CEP250: variants seen among roughly 807,000 people sequenced by gnomAD.
CEP250 encodes centrosome-associated protein CEP250.
A neutral mutation model predicts 315.7 loss-of-function variants in CEP250; 242 were observed. The observed-to-expected ratio is 0.77, with a 90% CI of 0.69 to 0.85. The LOEUF (loss-of-function observed/expected upper bound fraction) is 0.85, where lower values mean the gene tolerates loss of function less well. CEP250 is among the 40% of genes least tolerant of loss of function. CEP250 has a pLI of 0.00. For synonymous variants in CEP250, 1,088 were observed against 1,175.0 expected (o/e 0.93, Z 1.51); for missense variants, 2,515 against 2,886.4 (o/e 0.87, Z 2.95).
intron 20 of CEP250, among the ~76,000 whole-genome samples, chr20:35,489,001 C>T (rs557807934): frequency 1.2e-4 from 19 of 152,082 alleles, no homozygotes; most frequent in South Asian, 2.1e-4. Context: ...GCCTGGCCAA[C>T]GTGGTGAAAC....
In CEP250 at chr20:35,502,768, A is replaced by G. The variant is rs2064048837; in HGVS notation, c.4399A>G (p.Lys1467Glu). 6.2e-7 allele frequency: 1 copy of G among 1,614,260 alleles called. No individual in the cohort carries two copies. The highest frequency in any genetic ancestry group is 8.5e-7 in the Non-Finnish European group (1 of 1,180,054). ...ALELLSLDLK[K>E]RNQEVDLQQE... ...GGAATTGCTGTCTCTGGACCTGAAG[A>G]AGAGGAACCAAGAGGTAGATCTGCA... is the stretch of plus-strand genomic sequence containing the variant. The change falls in exon 30 of 35, where the codon AAG becomes GAG. Residue 1467 changes from lysine to glutamate, a missense_variant. By Grantham distance (56) the Lys-to-Glu change is moderately conservative (BLOSUM62 1). Transcript: ENST00000397527.
chr20:35,471,551 G>T (rs2063024830), intron 10 of CEP250, among the ~76,000 whole-genome samples: 1 of 152,190 alleles, frequency 6.6e-6, no homozygotes, highest in African/African-American at 2.4e-5. Flanking sequence ...AGGAACTCTT[G>T]AGTCTTCAAG....
At chr20:35,476,162 C>G (rs571154204) in intron 15 of CEP250, 44 of 308,852 alleles carry the variant, frequency 1.4e-4, no homozygotes, top group African/African-American at 9.3e-4. Context: ...CTCTTCCAAA[C>G]TATATTAATA....
chr20:35,511,471 T>C lies in CEP250; in HGVS notation c.7174T>C (p.Ser2392Pro). 2 of 1,614,064 alleles carry C rather than the reference T, an allele frequency of 1.2e-6. No individual in the cohort carries two copies. Among genetic ancestry groups the C allele is most frequent in the Non-Finnish European group, 1.7e-6 (2 of 1,180,016 alleles). The part of the protein sequence containing the change: ...RELAGLHHSL[S>P]HSLLAVAQAP... ...GCTAGCAGGCCTGCACCACAGCCTC[T>C]CACACTCACTTCTTGCCGTGGCCCA... is the stretch of plus-strand genomic sequence containing the variant. The change falls in exon 35 of 35, where the codon TCA becomes CCA. Residue 2392 changes from serine (S) to proline (P), a missense_variant. Coordinates refer to ENST00000397527, the MANE Select transcript of CEP250 (RefSeq NM_007186.6).
In CEP250 at chr20:35,511,604, C is replaced by T. The variant is rs1183278285; in HGVS notation, c.7307C>T (p.Thr2436Ile). 11 of 1,610,432 alleles carry T rather than the reference C, an allele frequency of 6.8e-6. No individual in the cohort carries two copies. The highest frequency in any genetic ancestry group is 9.3e-6 in the Non-Finnish European group (11 of 1,177,870). The change falls in exon 35 of 35, where the codon ACT becomes ATT. Residue 2436 changes from threonine to isoleucine, a missense_variant. By Grantham distance (89) the Thr-to-Ile change is moderately conservative. Coordinates refer to ENST00000397527, the MANE Select transcript of CEP250 (RefSeq NM_007186.6). ...GTCCTGCTACACCCCAGCCCCAGCA[C>T]TACCCAAGCCGCCTCCAGGTAGCAG... is the stretch of plus-strand genomic sequence containing the variant. ...GPVLLHPSPS[T>I]TQAASR
Position 35,515,086 on chromosome 20 carries a change from G to T in CEP250, c.*3460G>T, listed in dbSNP as rs952913371. On this transcript the variant is annotated 3_prime_UTR_variant, in exon 35 of 35. Transcript: ENST00000397527. ...TATATTCCAAATACGCATGGCCCAG[G>T]ACTGGCAGAGTCGGAGCTCGGGGTC... 3 of 152,318 alleles carry T rather than the reference G, an allele frequency of 2.0e-5. No homozygotes were observed. Among genetic ancestry groups the T allele is most frequent in the African/African-American group, 4.8e-5 (2 of 41,426 alleles). 9.4% of individuals were successfully genotyped at this position (152,318 alleles called of 1,614,324 possible). A position where few individuals can be genotyped will look rare whatever the true frequency, so the allele number is the denominator to read the frequency against.
rs751646493 is a variant in CEP250 at position 35,473,375 on chromosome 20, A to G, written c.1211A>G (p.Asp404Gly). The G allele has an allele frequency of 6.2e-7, 1 of 1,612,202 alleles. No homozygotes were observed. The highest frequency in any genetic ancestry group is 2.2e-5 in the East Asian group (1 of 44,846). ...GTTTCTCTTGCTCTCTCTCCACAGG[A>G]CCTAAGGCAGCAGCTTGCAGGCTGT... is the stretch of plus-strand genomic sequence containing the variant. ...VLTRRRQAVQ[D>G]LRQQLAGCQE... The change falls in exon 13 of 35, where the codon GAC (aspartate) becomes GGC (glycine). Residue 404 changes from aspartate to glycine, a missense_variant and splice_region_variant. Transcript: ENST00000397527.
chr20:35,498,717 G>C lies in CEP250; in HGVS notation c.3777+1G>C. On this transcript the variant is annotated splice_donor_variant, in intron 27 of 34. Coordinates refer to ENST00000397527, the MANE Select transcript of CEP250 (RefSeq NM_007186.6). LOFTEE classifies it high-confidence loss of function. ...CCTGTGGAAGACTCAACAGACCCGGGTATGTTTCTCTGCTCCCCTTTCCCG... is the reference window on the plus strand; with the variant it reads ...CCTGTGGAAGACTCAACAGACCCGGCTATGTTTCTCTGCTCCCCTTTCCCG... The C allele has an allele frequency of 6.4e-7, 1 of 1,567,664 alleles. No individual in the cohort carries two copies. The highest frequency in any genetic ancestry group is 8.6e-7 in the Non-Finnish European group (1 of 1,164,188).
chr20:35,478,372 C>T (rs1224921247), intron 17 of CEP250, among the ~76,000 whole-genome samples: 1 of 152,150 alleles, frequency 6.6e-6, no homozygotes, highest in Non-Finnish European at 1.5e-5. Flanking sequence ...CGAGACCAGC[C>T]TGACCAACAT....
chr20:35,505,607 C>T (rs942155278), intron 30 of CEP250, among the ~76,000 whole-genome samples: 2 of 147,088 alleles, frequency 1.4e-5, no homozygotes, highest in Non-Finnish European at 3.0e-5. Context: ...GAGCCGAGAT[C>T]GCACCATTGC....
chr20:35,486,033 C>CTT (rs568800381), intron 20 of CEP250, among the ~76,000 whole-genome samples: 3,133 of 128,324 alleles, frequency 0.024, 156 homozygotes, highest in African/African-American at 0.086. Flanking sequence ...AGTGGATTTA[C>CTT]TTTTTTTTTT....
rs992669585 is a variant in CEP250, at chr20:35,503,583, G to A, written c.5214G>A (p.Val1738=). 1 of 1,614,094 alleles carries A rather than the reference G, an allele frequency of 6.2e-7. No individual in the cohort carries two copies. Among genetic ancestry groups the A allele is most frequent in the East Asian group, 2.2e-5 (1 of 44,874 alleles). Residue 1738 remains valine (V), a synonymous_variant, in exon 30 of 35, where the codon GTG becomes GTA. Transcript: ENST00000397527. The surrounding 1 kb of genome is among the most constrained non-coding windows in gnomAD (Gnocchi z 4.2). ...TCCTGCGTGATAAGGAGAAGGAGGTGGAATGTCAGCAGGAGCATATCCATG... is the reference window on the plus strand; with the variant it reads ...TCCTGCGTGATAAGGAGAAGGAGGTAGAATGTCAGCAGGAGCATATCCATG... The part of the protein sequence containing the change: ...KLILRDKEKE[V]ECQQEHIHEL...
chr20:35,457,418 C>A (rs1350421299), intron 1 of CEP250, among the ~76,000 whole-genome samples: 1 of 152,036 alleles, frequency 6.6e-6, no homozygotes, highest in Non-Finnish European at 1.5e-5. Context: ...GGCTGGAGTG[C>A]AGTGGCGTGA....
intron 20 of CEP250, among the ~76,000 whole-genome samples, chr20:35,482,934 T>C (rs971040020): frequency 1.3e-5 from 2 of 152,256 alleles, no homozygotes; most frequent in African/African-American, 4.8e-5. Context: ...AGATTTCATG[T>C]TGAAATATCA....
chr20:35,485,417 A>G (rs2063481440), intron 20 of CEP250, among the ~76,000 whole-genome samples: 1 of 151,500 alleles, frequency 6.6e-6, no homozygotes, highest in Admixed American at 6.6e-5. Flanking sequence ...GCTCATAGCC[A>G]GAGAGCAACA....
At chr20:35,474,983 T>A (rs2063128866) in intron 14 of CEP250, 1 of 397,922 alleles carries the variant, frequency 2.5e-6, no homozygotes, top group African/African-American at 2.1e-5. Flanking sequence ...ATAAGGGTCA[T>A]GACTTGTGCT....
intron 4 of CEP250, among the ~76,000 whole-genome samples, chr20:35,463,284 T>C (rs1429698624): frequency 6.6e-6 from 1 of 152,130 alleles, no homozygotes; most frequent in Non-Finnish European, 1.5e-5. Flanking sequence ...ATGCCTGTAA[T>C]CCCAGCTACT....
At chr20:35,497,456 C>A (rs1170362541) in intron 25 of CEP250, among the ~76,000 whole-genome samples, 1 of 152,196 alleles carries the variant, frequency 6.6e-6, no homozygotes, top group Non-Finnish European at 1.5e-5. Context: ...TAGCAAGGAG[C>A]CAGCATATCT....
chr20:35,508,812 CAGG>C, intron 32 of CEP250, 128 bp from the exon 33 acceptor site: 2 of 707,904 alleles, frequency 2.8e-6, no homozygotes, highest in East Asian at 5.4e-5. Context: ...CTTCCTCAGC[CAGG>C]AGTTCTCTTC....
Sources: gnomAD v4.1 joint callset for allele counts (sites outside exome capture counted in the v4.1 genomes callset) on GRCh38, gnomAD v4.1.1 for gene constraint, Gnocchi (gnomAD v3.1) non-coding constraint, MANE v1.5 for transcripts, NCBI Gene and HGNC (gene_info 2026-07-23, HGNC 2026-07-21) for gene names.